EIF5B: variants seen among roughly 807,000 people sequenced by gnomAD.
The protein encoded by EIF5B is eukaryotic translation initiation factor 5B.
Under a neutral mutation model 147.5 loss-of-function variants are expected in EIF5B, and 47 were observed. The ratio of observed to expected loss-of-function variants is 0.32; its 90% CI spans 0.25 to 0.41. The LOEUF (loss-of-function observed/expected upper bound fraction) is 0.41. EIF5B is among the 10% of genes least tolerant of loss of function. The pLI is 1.00. For synonymous variants in EIF5B, 455 were observed against 456.2 expected (o/e 1.00, Z 0.03); for missense variants, 1,064 against 1,413.2 (o/e 0.75, Z 3.96).
chr2:99,361,994 C>A (rs1398947454), intron 4 of EIF5B, among the ~76,000 whole-genome samples, 174 bp downstream of exon 4: 1 of 152,078 alleles, frequency 6.6e-6, no homozygotes, highest in African/African-American at 2.4e-5. Context: ...ATTGTTAATT[C>A]TTTACATATA....
rs1251664369 is a variant in EIF5B, at chr2:99,379,118, C to T, written c.1942C>T (p.Leu648=). The T allele has an allele frequency of 4.4e-6, 7 of 1,598,716 alleles. No homozygotes were observed. In the South Asian group the frequency reaches 8.0e-5, roughly 18 times the overall value. The change falls in exon 11 of 24, where the codon CTA becomes TTA. Residue 648 remains leucine (L), a synonymous_variant. Transcript: ENST00000289371. ...TGTGGACACAGGGAAGACAAAAATT[C>T]TAGATAAGGTAAGAAAGTATTAAAT... is the stretch of plus-strand genomic sequence containing the variant. ...GHVDTGKTKI[L]DKLRHTHVQD... is the part of the protein sequence containing the mutation.
rs914335497 is a variant in EIF5B, at chr2:99,369,953, C to T, written c.1477+472C>T. Among the ~76,000 whole-genome samples, 12 of 152,122 alleles carry T rather than the reference C, an allele frequency of 7.9e-5. No homozygotes were observed. In the East Asian group the frequency reaches 1.9e-3, roughly 24 times the overall value. Reference sequence around the variant, plus strand: ...AGTGAGCCTAGGTTGCACCATTGCACTCCAGCCTGGGCAACAGAGCAACAG... The same window carrying T: ...AGTGAGCCTAGGTTGCACCATTGCATTCCAGCCTGGGCAACAGAGCAACAG... On this transcript the variant is annotated intron_variant, in intron 8 of 23. Coordinates refer to ENST00000289371, the MANE Select transcript of EIF5B (RefSeq NM_015904.4).
At chr2:99,379,516 GATAAC>G in intron 12 of EIF5B, 88 bp downstream of exon 12, 1 of 988,034 alleles carries the variant, frequency 1.0e-6, no homozygotes, top group Non-Finnish European at 1.5e-6. Context: ...CAGAGACTAG[GATAAC>G]AGCTCCATAT....
At chr2:99,397,527 C>T (rs184062152) in intron 22 of EIF5B, 37 of 152,324 alleles carry the variant, frequency 2.4e-4, no homozygotes, top group African/African-American at 8.9e-4. Context: ...GCAAATCCCT[C>T]CTCCATTTGG....
intron 1 of EIF5B, among the ~76,000 whole-genome samples, chr2:99,354,286 T>C (rs1416479724): frequency 2.0e-5 from 3 of 152,232 alleles, no homozygotes; most frequent in Non-Finnish European, 4.4e-5. Flanking sequence ...TAATTTGCAT[T>C]TCCCAAATAG....
intron 1 of EIF5B, among the ~76,000 whole-genome samples, chr2:99,338,134 G>T (rs1319310736): frequency 6.6e-6 from 1 of 151,218 alleles, no homozygotes; most frequent in African/African-American, 2.4e-5. Context: ...AGGGCTGATT[G>T]TCCAGCCCTC....
intron 9 of EIF5B, among the ~76,000 whole-genome samples, chr2:99,373,543 C>T (rs1422156025): frequency 2.6e-5 from 4 of 152,146 alleles, no homozygotes; most frequent in African/African-American, 9.7e-5. Flanking sequence ...CACCCTCCTA[C>T]CTCCTACCAG....
intron 1 of EIF5B, among the ~76,000 whole-genome samples, chr2:99,353,473 G>A (rs987118417): frequency 1.3e-5 from 2 of 152,142 alleles, no homozygotes; most frequent in Admixed American, 6.5e-5. Flanking sequence ...CACAGATAAT[G>A]ACATTGATAC....
intron 18 of EIF5B, among the ~76,000 whole-genome samples, chr2:99,393,853 G>A (rs1335539747): frequency 6.6e-6 from 1 of 152,202 alleles, no homozygotes; most frequent in Admixed American, 6.5e-5. Context: ...GATGGAGGAA[G>A]GAGCTGCTGA....
At chr2:99,386,521 CTG>C (rs202024276) in intron 14 of EIF5B, among the ~76,000 whole-genome samples, 4 of 140,596 alleles carry the variant, frequency 2.8e-5, no homozygotes, top group Non-Finnish European at 4.6e-5. Flanking sequence ...CTGTCTCTTG[CTG>C]TGTGTGTGTG....
At position 99,394,823 on chromosome 2, in the gene EIF5B, T is replaced by C. The variant is rs747565485; in HGVS notation, c.3194T>C (p.Leu1065Ser). 4 of 1,611,310 alleles carry C rather than the reference T, an allele frequency of 2.5e-6. No homozygotes were observed. In the African/African-American group the frequency reaches 5.3e-5, roughly 22 times the overall value. ...TTTAGTGCAGAAATTATTTATCATT[T>C]ATTTGATGCCTTTACAAAATATAGA... ...RIFSAEIIYH[L>S]FDAFTKYRQD... The change falls in exon 21 of 24, where the codon TTA (leucine) becomes TCA (serine). Residue 1065 changes from leucine (L) to serine (S), a missense_variant. Physicochemically the swap from Leu to Ser is moderately radical, Grantham distance 145. Transcript: ENST00000289371.
intron 1 of EIF5B, 68 bp from the exon 2 acceptor site, chr2:99,360,168 A>C: frequency 6.6e-7 from 1 of 1,516,008 alleles, no homozygotes; most frequent in South Asian, 1.3e-5. Context: ...TAAAATGATA[A>C]AATCTATATA....
rs201277682 is a variant in EIF5B at position 99,382,882 on chromosome 2, C to A, written c.2232C>A (p.Leu744=). ...AGACAATTGAGTCTATCAACCTTCTCAAATCTAAAAAATGTCCCTTCATTG... is the reference window on the plus strand; with the variant it reads ...AGACAATTGAGTCTATCAACCTTCTAAAATCTAAAAAATGTCCCTTCATTG... ...EPQTIESINL[L]KSKKCPFIVA... The change falls in exon 14 of 24, where the codon CTC becomes CTA. Residue 744 remains leucine, a synonymous_variant. Transcript: ENST00000289371. The A allele has an allele frequency of 2.3e-5, 37 of 1,609,806 alleles. No homozygotes were observed. The highest frequency in any genetic ancestry group is 3.0e-5 in the Non-Finnish European group (35 of 1,178,580).
At chr2:99,367,047 A>G (rs1248827237) in intron 6 of EIF5B, among the ~76,000 whole-genome samples, 1 of 152,258 alleles carries the variant, frequency 6.6e-6, no homozygotes, top group Non-Finnish European at 1.5e-5. Context: ...CCAAATGGGT[A>G]TCATATGTAA....
At chr2:99,360,145 G>T in intron 1 of EIF5B, 91 bp from the exon 2 acceptor site, 5 of 1,423,748 alleles carry the variant, frequency 3.5e-6, no homozygotes, top group Non-Finnish European at 4.7e-6. Flanking sequence ...TGCTGCTAAT[G>T]CATGAAAAAG....
At chr2:99,378,389 A>G (rs1297641867) in intron 10 of EIF5B, among the ~76,000 whole-genome samples, 2 of 152,200 alleles carry the variant, frequency 1.3e-5, no homozygotes, top group African/African-American at 4.8e-5. Flanking sequence ...GGTAAATGCA[A>G]CGGAGAAGCA....
intron 21 of EIF5B, among the ~76,000 whole-genome samples, chr2:99,396,398 C>G (rs1675048437): frequency 6.6e-6 from 1 of 152,184 alleles, no homozygotes; most frequent in African/African-American, 2.4e-5. Context: ...CTGCCTGTCA[C>G]CAGGTACTGC....
chr2:99,343,790 G>T (rs1361550468), intron 1 of EIF5B, among the ~76,000 whole-genome samples: 1 of 151,530 alleles, frequency 6.6e-6, no homozygotes, highest in Non-Finnish European at 1.5e-5. Flanking sequence ...CGTCAGCCTG[G>T]GTGACAGAGT....
At chr2:99,398,059 C>G (rs1287034553) in intron 22 of EIF5B, 1 of 152,080 alleles carries the variant, frequency 6.6e-6, no homozygotes, top group African/African-American at 2.4e-5. Flanking sequence ...ATCTTCCTTT[C>G]TGGTTGAGAT....
Sources: allele counts gnomAD v4.1 joint callset (sites outside exome capture counted in the v4.1 genomes callset), GRCh38; gene constraint gnomAD v4.1.1; transcripts MANE v1.5; gene names NCBI Gene and HGNC (gene_info 2026-07-23, HGNC 2026-07-21).